SYNE1: variants seen among roughly 807,000 people sequenced by gnomAD.
SYNE1 encodes spectrin repeat containing nuclear envelope protein 1, also known as nesprin-1.
In SYNE1, 616 loss-of-function variants were observed where a neutral mutation model predicts 1,111.0. That is an observed-to-expected ratio of 0.55 (90% CI 0.52 to 0.59). The LOEUF is 0.59. Ranked by LOEUF, SYNE1 falls within the 20% of genes least tolerant of loss-of-function variation. SYNE1 has a pLI of 0.00. For missense variants in SYNE1, 10,006 were observed against 10,417.0 expected (o/e 0.96, Z 1.72); for synonymous variants, 3,855 against 3,825.8 (o/e 1.01, Z -0.28).
At chr6:152,365,388 A>C (rs967814686) in intron 62 of SYNE1, among the ~76,000 whole-genome samples, 5 of 152,178 alleles carry the variant, frequency 3.3e-5, no homozygotes, top group Non-Finnish European at 5.9e-5. Flanking sequence ...AACCAAAAAA[A>C]CCCATAGAAA....
At chr6:152,149,912 T>C (rs73625169) in intron 135 of SYNE1, among the ~76,000 whole-genome samples, 5,112 of 152,238 alleles carry the variant, frequency 0.034, 97 homozygotes, top group Middle Eastern at 0.075. Context: ...TTTTGGCTAA[T>C]AAAATTTACC....
chr6:152,376,211 C>T (rs1051392008), intron 58 of SYNE1, 170 bp downstream of exon 58: 2 of 640,904 alleles, frequency 3.1e-6, no homozygotes, highest in African/African-American at 3.6e-5. Flanking sequence ...AGGTGGAGCT[C>T]AGGCAGTAAC....
At position 152,350,418 on chromosome 6, in the gene SYNE1, A is replaced by G. The variant is rs9478321; in HGVS notation, c.11734-83T>C. On this transcript the variant is annotated intron_variant, in intron 71 of 145. Coordinates refer to ENST00000367255, the MANE Select transcript of SYNE1 (RefSeq NM_182961.4). ...GTTTTGTATTACAAAAACCCAGTGC[A>G]ACTCACAGGGTAGTTAGAGCTACTT... 953,642 of 1,580,546 alleles carry G rather than the reference A, an allele frequency of 0.6. 288,365 individuals are homozygous for G. The highest frequency in any genetic ancestry group is 0.64 in the East Asian group (28,548 of 44,690).
intron 4 of SYNE1, 86 bp from the exon 5 acceptor site, chr6:152,526,261 G>A: frequency 7.2e-7 from 1 of 1,396,520 alleles, no homozygotes; most frequent in Non-Finnish European, 1.0e-6. Context: ...GTTACTTATG[G>A]TGGTGAAATT....
At chr6:152,298,396 G>C (rs908476685) in intron 93 of SYNE1, among the ~76,000 whole-genome samples, 1 of 152,160 alleles carries the variant, frequency 6.6e-6, no homozygotes, top group East Asian at 1.9e-4. Flanking sequence ...GGGGAATCAA[G>C]AAGCCTACAG....
At chr6:152,539,844 A>G in intron 4 of SYNE1, 116 bp downstream of exon 4, 6 of 1,116,766 alleles carry the variant, frequency 5.4e-6, no homozygotes, top group Non-Finnish European at 8.2e-6. Context: ...ATAAGATTAC[A>G]GTATCATTGA....
intron 59 of SYNE1, among the ~76,000 whole-genome samples, chr6:152,371,598 G>T (rs1355936911): frequency 7.4e-5 from 9 of 122,144 alleles, no homozygotes; most frequent in Non-Finnish European, 1.5e-4. Context: ...GAGGGGAGGA[G>T]AGGAGAGGGG....
intron 84 of SYNE1, among the ~76,000 whole-genome samples, chr6:152,319,407 C>T (rs2095817269): frequency 1.3e-5 from 2 of 152,216 alleles, no homozygotes; most frequent in East Asian, 1.9e-4. Context: ...TCCTCCCAAA[C>T]AGTTGGAAGC....
chr6:152,330,557 G>T lies in SYNE1; in HGVS notation c.14128C>A (p.Leu4710Ile). 1 of 1,614,072 alleles carries T rather than the reference G, an allele frequency of 6.2e-7. No homozygotes were observed. The highest frequency in any genetic ancestry group is 1.1e-5 in the South Asian group (1 of 91,076). The stretch of plus-strand genomic sequence containing the variant: ...GCTCTGCAACCATCTTGCAGAGAAA[G>T]AGCCTCCTCAACGGCCAGGTCGGTG... ...VPTDLAVEEA[L>I]SLQDGCRAIL... The change falls in exon 78 of 146, where the codon CTT (leucine) becomes ATT (isoleucine). Residue 4710 changes from leucine (L) to isoleucine (I), a missense_variant. Leu to Ile is a conservative substitution (Grantham distance 5). This residue lies in a region of SYNE1 where 4,955 missense variants were observed against 5,017.2 expected (regional missense o/e 0.99). Coordinates refer to ENST00000367255, the MANE Select transcript of SYNE1 (RefSeq NM_182961.4).
intron 126 of SYNE1, among the ~76,000 whole-genome samples, 194 bp from the exon 127 acceptor site, chr6:152,202,143 T>C (rs1300408813): frequency 6.6e-6 from 1 of 151,748 alleles, no homozygotes; most frequent in African/African-American, 2.4e-5. Context: ...GGTCAGGAGT[T>C]TGTAACCAGT....
At chr6:152,534,214 A>G (rs2099222239) in intron 4 of SYNE1, among the ~76,000 whole-genome samples, 1 of 151,786 alleles carries the variant, frequency 6.6e-6, no homozygotes, top group African/African-American at 2.4e-5. Context: ...ATAAATAAAT[A>G]AATAAAATAA....
chr6:152,602,013 T>C (rs904989365), intron 3 of SYNE1, among the ~76,000 whole-genome samples: 2 of 152,086 alleles, frequency 1.3e-5, no homozygotes, highest in African/African-American at 2.4e-5. Flanking sequence ...GCTCCTTTGA[T>C]GCCAAAGTCA....
rs1049134109 is a variant in SYNE1, at chr6:152,215,127, G to A, written c.22192-67C>T. On this transcript the variant is annotated intron_variant, in intron 121 of 145. Transcript: ENST00000367255. ...AAAAGTCAAAACTTTTTCAAAGTGC[G>A]CAGTGAATTTCTGATTTCAGGAAGT... 55 of 1,568,154 alleles carry A rather than the reference G, an allele frequency of 3.5e-5. 1 individual carries two copies. The highest frequency in any genetic ancestry group is 2.5e-4 in the East Asian group (11 of 44,510).
At chr6:152,486,191 C>T (rs1478292438) in intron 12 of SYNE1, among the ~76,000 whole-genome samples, 1 of 146,900 alleles carries the variant, frequency 6.8e-6, no homozygotes, top group African/African-American at 2.5e-5. Flanking sequence ...CAGAGTGACA[C>T]TCTGACTAAA....
intron 55 of SYNE1, among the ~76,000 whole-genome samples, chr6:152,385,048 C>T (rs1216512352): frequency 1.3e-5 from 2 of 152,078 alleles, no homozygotes; most frequent in Non-Finnish European, 2.9e-5. Context: ...AAAACTAAAC[C>T]ACTGAGGATT....
intron 14 of SYNE1, among the ~76,000 whole-genome samples, chr6:152,482,513 G>A (rs776965763): frequency 2.6e-4 from 40 of 152,072 alleles, no homozygotes; most frequent in Non-Finnish European, 5.6e-4. Context: ...ATGAAAAACG[G>A]CATTTTTAGT....
intron 113 of SYNE1, 35 bp from the exon 114 acceptor site, chr6:152,231,602 T>C: frequency 6.2e-7 from 1 of 1,602,300 alleles, no homozygotes; most frequent in Admixed American, 1.7e-5. Context: ...GATTATACAA[T>C]AAATGTCTCA....
intron 3 of SYNE1, among the ~76,000 whole-genome samples, chr6:152,620,109 G>A (rs1330861703): frequency 6.7e-6 from 1 of 149,208 alleles, no homozygotes; most frequent in Non-Finnish European, 1.5e-5. Flanking sequence ...TGAACATGTA[G>A]AAACATGTAC....
rs1289206045 is a variant in SYNE1 at position 152,637,355 on chromosome 6, G to A, written c.-558C>T. On this transcript the variant is annotated 5_prime_UTR_variant, in exon 1 of 146. Transcript: ENST00000367255. ...TGCCTCCGCTGCCTGGAGGAGCTGCGCTGTCCTGCCAGCTAACTTTTGCCC... is the reference window on the plus strand; with the variant it reads ...TGCCTCCGCTGCCTGGAGGAGCTGCACTGTCCTGCCAGCTAACTTTTGCCC... The A allele has an allele frequency of 6.6e-6, 1 of 152,320 alleles. No individual in the cohort carries two copies. Among genetic ancestry groups the A allele is most frequent in the Non-Finnish European group, 1.5e-5 (1 of 68,108 alleles). The allele number at this position is 152,320 out of a possible 1,614,324, so 9.4% of individuals were successfully genotyped here.
Sources: allele counts gnomAD v4.1 joint callset (sites outside exome capture counted in the v4.1 genomes callset), GRCh38; gene constraint gnomAD v4.1.1; regional missense constraint gnomAD v4.1.1; transcripts MANE v1.5; gene names NCBI Gene and HGNC (gene_info 2026-07-23, HGNC 2026-07-21).